The following DDX60 variants were observed in gnomAD, a reference collection of about 807,000 sequenced individuals.
DDX60 encodes the protein DExD/H-box helicase 60.
Under a neutral mutation model 212.8 loss-of-function variants are expected in DDX60, and 165 were observed. The ratio of observed to expected loss-of-function variants is 0.78; its 90% confidence interval spans 0.68 to 0.88. DDX60 has a LOEUF of 0.88. Ranked by LOEUF, DDX60 falls within the 40% of genes least tolerant of loss-of-function variation. DDX60 has a pLI of 0.00. For missense variants in DDX60, 1,905 were observed against 2,003.9 expected, an observed-to-expected ratio of 0.95 and a Z score of 0.94; for synonymous variants, 703 against 685.3, an observed-to-expected ratio of 1.03 and a Z score of -0.40.
chr4:168,284,341 C>T lies in DDX60; in HGVS notation c.1561+479G>A, dbSNP rs572113761. Among the ~76,000 whole-genome samples, 3 of 152,248 alleles carry T rather than the reference C, an allele frequency of 2.0e-5. No homozygotes were observed. The South Asian group carries it at 6.2e-4, about 32-fold the overall frequency. Reference sequence around the variant, plus strand: ...GGGGCTGGGGGTAAGCATAGGGATACAGAAAGTTGAGATGAAGACAAGATC... The same window carrying T: ...GGGGCTGGGGGTAAGCATAGGGATATAGAAAGTTGAGATGAAGACAAGATC... On this transcript the variant is annotated intron_variant, in intron 12 of 37. Coordinates refer to ENST00000393743, the MANE Select transcript of DDX60 (RefSeq NM_017631.6).
upstream of DDX60, among the ~76,000 whole-genome samples, chr4:168,319,830 A>G (rs1469554006): frequency 1.3e-5 from 2 of 152,224 alleles, no homozygotes; most frequent in African/African-American, 4.8e-5. Flanking sequence ...GCCAAGGTCC[A>G]GGCACTGCTC....
intron 33 of DDX60, among the ~76,000 whole-genome samples, chr4:168,227,128 A>AT (rs1733284325): frequency 6.6e-6 from 1 of 152,030 alleles, no homozygotes; most frequent in African/African-American, 2.4e-5. Flanking sequence ...TTTAATATAC[A>AT]TATATAGTGA....
intron 5 of DDX60, among the ~76,000 whole-genome samples, chr4:168,306,020 T>C (rs1736859536): frequency 6.6e-6 from 1 of 152,190 alleles, no homozygotes; most frequent in Non-Finnish European, 1.5e-5. Flanking sequence ...TGAGTCCAAC[T>C]GTGTCTTTTC....
At position 168,236,350 on chromosome 4, in the gene DDX60, C is replaced by T. The variant is rs74893360; in HGVS notation, c.4435G>A (p.Val1479Ile). The change falls in exon 33 of 38, where the codon GTT (valine) becomes ATT (isoleucine). Residue 1479 changes from valine to isoleucine, a missense_variant. Coordinates refer to ENST00000393743, the MANE Select transcript of DDX60 (RefSeq NM_017631.6). ...RKGSKHFSQD[V>I]MEKLVLVLAH... ...AATACTAATACTAGCTTTTCCATAACGTCTTGAGAAAAATGTTTTGAGCCT... is the reference window on the plus strand; with the variant it reads ...AATACTAATACTAGCTTTTCCATAATGTCTTGAGAAAAATGTTTTGAGCCT... 21 of 1,606,244 alleles carry T rather than the reference C, an allele frequency of 1.3e-5. No individual in the cohort carries two copies. Among genetic ancestry groups the T allele is most frequent in the East Asian group, 1.1e-4 (5 of 44,438 alleles).
intron 22 of DDX60, among the ~76,000 whole-genome samples, chr4:168,264,885 T>C (rs140915576): frequency 6.6e-6 from 1 of 152,278 alleles, no homozygotes; most frequent in East Asian, 1.9e-4. Context: ...TGAAGAGAAA[T>C]AAAAGGTCAC....
intron 5 of DDX60, among the ~76,000 whole-genome samples, chr4:168,302,831 A>G (rs1217412806): frequency 1.3e-5 from 2 of 152,202 alleles, no homozygotes; most frequent in Non-Finnish European, 2.9e-5. Context: ...CACATGAATG[A>G]AAGATAGCAT....
chr4:168,318,430 C>G (rs1374079813), intron 1 of DDX60, among the ~76,000 whole-genome samples, 192 bp downstream of exon 1: 1 of 152,272 alleles, frequency 6.6e-6, no homozygotes, highest in East Asian at 1.9e-4. Context: ...CCCCTCCCCA[C>G]GCCCGGCCTT....
In DDX60 at chr4:168,224,303, T is replaced by C. The variant is rs569934179; in HGVS notation, c.4764A>G (p.Pro1588=). The part of the protein sequence containing the change: ...SCKEGRVAIS[P]FVCLSGNFDD... ...CAAAGTTCCCAGACAGACAAACAAATGGTGAAATTGCTACTCTTCCTTCCT... is the reference window on the plus strand; with the variant it reads ...CAAAGTTCCCAGACAGACAAACAAACGGTGAAATTGCTACTCTTCCTTCCT... The change falls in exon 35 of 38, where the codon CCA becomes CCG. Residue 1588 remains proline, a synonymous_variant. Transcript: ENST00000393743. 8.7e-6 allele frequency: 14 copies of C among 1,612,436 alleles called. No homozygotes were observed. In the African/African-American group the frequency reaches 1.5e-4, roughly 17 times the overall value.
intron 33 of DDX60, among the ~76,000 whole-genome samples, chr4:168,229,049 C>T (rs1378005965): frequency 6.6e-6 from 1 of 152,046 alleles, no homozygotes; most frequent in African/African-American, 2.4e-5. Context: ...CCCACTCAGA[C>T]AGACAGATCA....
intron 33 of DDX60, among the ~76,000 whole-genome samples, chr4:168,227,324 T>G (rs1733292944): frequency 6.6e-6 from 1 of 151,984 alleles, no homozygotes; most frequent in Admixed American, 6.6e-5. Flanking sequence ...TTTGCCCATT[T>G]GTCTAAATAG....
At position 168,299,030 on chromosome 4, in the gene DDX60, A is replaced by G. The variant is rs919415397; in HGVS notation, c.723+3270T>C. Among the ~76,000 whole-genome samples, 7 of 151,670 alleles carry G rather than the reference A, an allele frequency of 4.6e-5. No individual in the cohort carries two copies. In the East Asian group the frequency reaches 7.8e-4, roughly 17 times the overall value. On this transcript the variant is annotated intron_variant, in intron 6 of 37. Transcript: ENST00000393743. ...ACAAAAATTAGCTGGGCTTGGTGGC[A>G]TGAGCCTGTAGTCCCAGCTACTCGG...
At chr4:168,244,229 G>T (rs533175580) in intron 30 of DDX60, among the ~76,000 whole-genome samples, 1 of 152,212 alleles carries the variant, frequency 6.6e-6, no homozygotes, top group East Asian at 1.9e-4. Context: ...TGCACATCCT[G>T]CACATGTGCC....
chr4:168,261,906 G>T, intron 24 of DDX60, 94 bp downstream of exon 24: 2 of 1,357,886 alleles, frequency 1.5e-6, no homozygotes, highest in South Asian at 1.4e-5. Context: ...TAAAAATTGA[G>T]GATTAAAAAA....
At chr4:168,238,881 A>T (rs1235168970) in intron 30 of DDX60, among the ~76,000 whole-genome samples, 1 of 152,180 alleles carries the variant, frequency 6.6e-6, no homozygotes, top group Non-Finnish European at 1.5e-5. Context: ...AGAAAACTAC[A>T]TAGATGAAGA....
At chr4:168,253,296 T>C (rs1045751325) in intron 26 of DDX60, among the ~76,000 whole-genome samples, 1 of 152,160 alleles carries the variant, frequency 6.6e-6, no homozygotes, top group Admixed American at 6.5e-5. Context: ...GTGATGATCA[T>C]TTTCTCTTCC....
Position 168,288,355 on chromosome 4 carries a change from A to G in DDX60, c.1042-40T>C, listed in dbSNP as rs376948829. The G allele has an allele frequency of 9.4e-5, 127 of 1,351,624 alleles. No homozygotes were observed. The African/African-American group carries it at 1.1e-3, about 12-fold the overall frequency. The allele number at this position is 1,351,624 out of a possible 1,614,324, so 83.7% of individuals were successfully genotyped here. On this transcript the variant is annotated intron_variant, in intron 8 of 37. Transcript: ENST00000393743. ...GAAAACCAAGTTATTGGCAATATTC[A>G]TATTAGCAATAAACTATAGGGTTCA...
At chr4:168,246,281 G>T in intron 30 of DDX60, 137 bp downstream of exon 30, 1 of 982,992 alleles carries the variant, frequency 1.0e-6, no homozygotes, top group Non-Finnish European at 1.5e-6. Flanking sequence ...AATTCTATAC[G>T]ATTCAAGACA....
chr4:168,297,341 A>C (rs1300992996), intron 6 of DDX60, among the ~76,000 whole-genome samples: 1 of 93,544 alleles, frequency 1.1e-5, no homozygotes, highest in African/African-American at 7.2e-5. Context: ...AAAGAAAGAA[A>C]GAAAGAAAGA....
At chr4:168,297,406 CAAT>C (rs1560870814) in intron 6 of DDX60, among the ~76,000 whole-genome samples, 3 of 141,916 alleles carry the variant, frequency 2.1e-5, no homozygotes, top group African/African-American at 8.1e-5. Context: ...GAAAGAAAGA[CAAT>C]AAATAATTAA....
Sources: allele counts gnomAD v4.1 joint callset (sites outside exome capture counted in the v4.1 genomes callset), GRCh38; gene constraint gnomAD v4.1.1; transcripts MANE v1.5; gene names NCBI Gene and HGNC (gene_info 2026-07-23, HGNC 2026-07-21).